SOX8: variants seen among roughly 807,000 people sequenced by gnomAD.
SOX8 encodes transcription factor SOX-8.
A neutral mutation model predicts 22.9 loss-of-function variants in SOX8; 9 were observed. The observed-to-expected ratio is 0.39, with a 90% CI of 0.24 to 0.69. SOX8 has a LOEUF of 0.69. SOX8 is among the 30% of genes least tolerant of loss of function. The probability of loss-of-function intolerance (pLI) is 0.43; values close to 1 mark genes in which losing one functional copy is unlikely to be tolerated. For missense variants in SOX8, 734 were observed against 699.4 expected, an observed-to-expected ratio of 1.05 and a Z score of -0.56; for synonymous variants, 416 against 330.6, an observed-to-expected ratio of 1.26 and a Z score of -2.80.
At chr16:982,570 G>T in intron 1 of SOX8, 1 of 433,482 alleles carries the variant, frequency 2.3e-6, no homozygotes, top group Non-Finnish European at 3.9e-6. Context: ...GGAGGGCAGC[G>T]CCTGGGGTGT....
In SOX8 at chr16:984,770, C is replaced by T. The variant is rs567451602; in HGVS notation, c.725C>T (p.Pro242Leu). ...KTELQQAGAK[P>L]ELKLEGRRPV... ...GAGCTGCAGCAGGCGGGCGCCAAGC[C>T]GGAGCTGAAGCTGGAGGGACGCCGG... Residue 242 changes from proline (P) to leucine (L), a missense_variant, in exon 3 of 3, where the codon CCG becomes CTG. Physicochemically the swap from Pro to Leu is moderately conservative, Grantham distance 98. Around this residue, in one of 3 missense-constraint regions of SOX8, gnomAD observed 588 missense variants for 568.2 expected, o/e 1.03. Coordinates refer to ENST00000293894, the MANE Select transcript of SOX8 (RefSeq NM_014587.5). The T allele has an allele frequency of 1.1e-4, 172 of 1,606,404 alleles. 1 individual carries two copies. In the Admixed American group the frequency reaches 1.5e-3, roughly 14 times the overall value.
Position 985,382 on chromosome 16 carries a change from C to T in SOX8, c.1337C>T (p.Pro446Leu). 6.5e-7 allele frequency: 1 copy of T among 1,547,718 alleles called. No individual in the cohort carries two copies. Among genetic ancestry groups the T allele is most frequent in the Non-Finnish European group, 8.7e-7 (1 of 1,150,646 alleles). Residue 446 changes from proline (P) to leucine (L), a missense_variant, in exon 3 of 3, where the codon CCC (proline) becomes CTC (leucine). Physicochemically the swap from Pro to Leu is moderately conservative, Grantham distance 98 (BLOSUM62 -3). This residue lies in a region of SOX8 where 588 missense variants were observed against 568.2 expected (regional missense o/e 1.03). Coordinates refer to ENST00000293894, the MANE Select transcript of SOX8 (RefSeq NM_014587.5). ...DQPVYTTLTR[P>L] Reference sequence around the variant, plus strand: ...CCGGTGTACACCACCCTGACCAGGCCCTGAGGGCCCAGCCGCGGGGAGGGA... The same window carrying T: ...CCGGTGTACACCACCCTGACCAGGCTCTGAGGGCCCAGCCGCGGGGAGGGA...
Position 985,675 on chromosome 16 carries a change from A to C in SOX8, c.*289A>C. On this transcript the variant is annotated 3_prime_UTR_variant, in exon 3 of 3. Transcript: ENST00000293894. The stretch of plus-strand genomic sequence containing the variant: ...TTCCGTGAGGACTGGCGGCACCAGC[A>C]CCTTCGCTTTGCATCTCGGTAGAGG... 4.9e-6 allele frequency: 2 copies of C among 404,756 alleles called. No individual in the cohort carries two copies. The highest frequency in any genetic ancestry group is 5.1e-5 in the South Asian group (1 of 19,598). 25.1% of individuals were successfully genotyped at this position (404,756 alleles called of 1,614,324 possible).
At position 981,918 on chromosome 16, in the gene SOX8, C is replaced by G. The variant is rs2151519060; in HGVS notation, c.-5C>G. The G allele has an allele frequency of 7.8e-7, 1 of 1,279,944 alleles. No individual in the cohort carries two copies. Among genetic ancestry groups the G allele is most frequent in the Admixed American group, 3.7e-5 (1 of 26,732 alleles). 79.3% of individuals were successfully genotyped at this position (1,279,944 alleles called of 1,614,324 possible). ...CCTGTGCGCGCCCCTCCGCGCGCGG[C>G]CCCGATGCTGGACATGAGCGAGGCC... On this transcript the variant is annotated 5_prime_UTR_variant, in exon 1 of 3. Coordinates refer to ENST00000293894, the MANE Select transcript of SOX8 (RefSeq NM_014587.5).
Position 983,905 on chromosome 16 carries a change from C to G in SOX8, c.600C>G (p.Ala200=), listed in dbSNP as rs764476216. The G allele has an allele frequency of 1.4e-5, 23 of 1,598,864 alleles. No homozygotes were observed. Among genetic ancestry groups the G allele is most frequent in the Non-Finnish European group, 1.9e-5 (22 of 1,173,060 alleles). Residue 200 remains alanine, a synonymous_variant, in exon 2 of 3, where the codon GCC becomes GCG. Transcript: ENST00000293894. ...AELGPHPGGG[A]VYKAEAGLGD... ...TGGGACCCCACCCTGGCGGCGGTGC[C>G]GTGTACAAGGCTGAAGCAGGGCTTG... is the stretch of plus-strand genomic sequence containing the variant.
In SOX8 at chr16:986,769, A is replaced by G. The variant is rs897893453; in HGVS notation, c.*1383A>G. ...TTCTACTTTTCCTACTTTTTTGTAG[A>G]AAAAAAAGATAATGCCTCTGCTTCT... On this transcript the variant is annotated 3_prime_UTR_variant, in exon 3 of 3. Transcript: ENST00000293894. 1 of 151,636 alleles carries G rather than the reference A, an allele frequency of 6.6e-6. No individual in the cohort carries two copies. Among genetic ancestry groups the G allele is most frequent in the South Asian group, 2.1e-4 (1 of 4,746 alleles). 9.4% of individuals were successfully genotyped at this position (151,636 alleles called of 1,614,324 possible). A position where few individuals can be genotyped will look rare whatever the true frequency, so the allele number is the denominator to read the frequency against.
rs1465136208 is a variant in SOX8 at position 981,797 on chromosome 16, G to GCGGCGA, written c.-121_-120insACGGCG. On this transcript the variant is annotated 5_prime_UTR_variant, in exon 1 of 3. Coordinates refer to ENST00000293894, the MANE Select transcript of SOX8 (RefSeq NM_014587.5). ...GACCCGAGCCTCGGCGGCGGCGGCG[G>GCGGCGA]CGGCGGCAGGGGCGAGGGTCGGGGC... 3 of 364,418 alleles carry GCGGCGA rather than the reference G, an allele frequency of 8.2e-6. No individual in the cohort carries two copies. The highest frequency in any genetic ancestry group is 6.7e-5 in the African/African-American group (3 of 44,668). The allele number at this position is 364,418 out of a possible 1,614,324, so 22.6% of individuals were successfully genotyped here.
intron 2 of SOX8, among the ~76,000 whole-genome samples, chr16:984,335 A>T (rs2073435422): frequency 6.6e-6 from 1 of 152,216 alleles, no homozygotes; most frequent in Non-Finnish European, 1.5e-5. Flanking sequence ...GGCCTCGGTC[A>T]GGCTGGCTGA....
At position 984,800 on chromosome 16, in the gene SOX8, T is replaced by A; in HGVS notation, c.755T>A (p.Val252Glu). 1 of 1,578,100 alleles carries A rather than the reference T, an allele frequency of 6.3e-7. No individual in the cohort carries two copies. The highest frequency in any genetic ancestry group is 1.4e-5 in the African/African-American group (1 of 73,302). Reference protein sequence around the residue: ...PELKLEGRRPVDSGRQNIDFS... With the variant: ...PELKLEGRRPEDSGRQNIDFS... ...CTGAAGCTGGAGGGACGCCGGCCGG[T>A]GGACAGCGGGCGCCAGAACATCGAC... Residue 252 changes from valine to glutamate, a missense_variant, in exon 3 of 3, where the codon GTG becomes GAG. Transcript: ENST00000293894.
At position 984,913 on chromosome 16, in the gene SOX8, C is replaced by G. The variant is rs777042003; in HGVS notation, c.868C>G (p.Pro290Ala). The G allele has an allele frequency of 1.1e-5, 17 of 1,607,130 alleles. No individual in the cohort carries two copies. In the Admixed American group the frequency reaches 2.7e-4, roughly 25 times the overall value. ...FDVHEFDQYL[P>A]LGGPAPPEPG... ...CGTCCACGAGTTCGACCAGTACCTGCCCCTGGGCGGCCCCGCCCCACCCGA... is the reference window on the plus strand; with the variant it reads ...CGTCCACGAGTTCGACCAGTACCTGGCCCTGGGCGGCCCCGCCCCACCCGA... Residue 290 changes from proline (P) to alanine (A), a missense_variant, in exon 3 of 3, where the codon CCC becomes GCC. Pro to Ala is a conservative substitution (Grantham distance 27). Around this residue, in one of 3 missense-constraint regions of SOX8, gnomAD observed 588 missense variants for 568.2 expected, o/e 1.03. Transcript: ENST00000293894.
rs201672745 is a variant in SOX8 at position 982,353 on chromosome 16, C to T, written c.422+9C>T. 22 of 1,347,716 alleles carry T rather than the reference C, an allele frequency of 1.6e-5. No homozygotes were observed. Among genetic ancestry groups the T allele is most frequent in the South Asian group, 1.0e-4 (5 of 49,556 alleles). 83.5% of individuals were successfully genotyped at this position (1,347,716 alleles called of 1,614,324 possible). ...CTGGGCAAGCTGTGGCGGTGAGTGC[C>T]GGCGCCCCGGGGGCGGGGTTCGGGA... On this transcript the variant is annotated intron_variant, in intron 1 of 2. Transcript: ENST00000293894.
In SOX8 at chr16:983,829, G is replaced by T; in HGVS notation, c.524G>T (p.Arg175Leu). 1 of 1,612,804 alleles carries T rather than the reference G, an allele frequency of 6.2e-7. No homozygotes were observed. The highest frequency in any genetic ancestry group is 2.2e-5 in the East Asian group (1 of 44,868). Reference sequence around the variant, plus strand: ...CCCGACTACAAGTACCAGCCACGGCGCAGGAAGAGCGCCAAAGCCGGCCAC... The same window carrying T: ...CCCGACTACAAGTACCAGCCACGGCTCAGGAAGAGCGCCAAAGCCGGCCAC... ...DHPDYKYQPR[R>L]RKSAKAGHSD... The change falls in exon 2 of 3, where the codon CGC becomes CTC. Residue 175 changes from arginine (R) to leucine (L), a missense_variant. This residue lies in a region of SOX8 where 588 missense variants were observed against 568.2 expected (regional missense o/e 1.03). Coordinates refer to ENST00000293894, the MANE Select transcript of SOX8 (RefSeq NM_014587.5).
chr16:982,321 C>T lies in SOX8; in HGVS notation c.399C>T (p.Ser133=). 1 of 1,411,794 alleles carries T rather than the reference C, an allele frequency of 7.1e-7. No homozygotes were observed. Among genetic ancestry groups the T allele is most frequent in the Non-Finnish European group, 9.3e-7 (1 of 1,076,656 alleles). The allele number at this position is 1,411,794 out of a possible 1,614,324, so 87.5% of individuals were successfully genotyped here. The part of the protein sequence containing the change: ...QYPHLHNAEL[S]KTLGKLWRLL... ...CGCACCTGCACAACGCCGAGCTCAG[C>T]AAGACGCTGGGCAAGCTGTGGCGGT... Residue 133 remains serine (S), a synonymous_variant, in exon 1 of 3, where the codon AGC becomes AGT. Coordinates refer to ENST00000293894, the MANE Select transcript of SOX8 (RefSeq NM_014587.5).
In SOX8 at chr16:985,007, C is replaced by G. The variant is rs1207432785; in HGVS notation, c.962C>G (p.Ala321Gly). The change falls in exon 3 of 3, where the codon GCC (alanine) becomes GGC (glycine). Residue 321 changes from alanine to glycine, a missense_variant. Physicochemically the swap from Ala to Gly is moderately conservative, Grantham distance 60. Coordinates refer to ENST00000293894, the MANE Select transcript of SOX8 (RefSeq NM_014587.5). ...GASPVWAHKS[A>G]PSASASPTET... Reference sequence around the variant, plus strand: ...TCCCCCGTGTGGGCCCACAAGAGTGCCCCGTCGGCCTCCGCGTCGCCCACC... The same window carrying G: ...TCCCCCGTGTGGGCCCACAAGAGTGGCCCGTCGGCCTCCGCGTCGCCCACC... The G allele has an allele frequency of 6.3e-7, 1 of 1,578,078 alleles. No individual in the cohort carries two copies. The highest frequency in any genetic ancestry group is 1.4e-5 in the African/African-American group (1 of 73,406).
Position 982,018 on chromosome 16 carries a change from G to A in SOX8, c.96G>A (p.Ala32=). ...MSHVEDSDSD[A]PPSPAGSEGL... ...ACGTGGAGGACTCGGACTCGGACGCGCCGCCGTCTCCCGCCGGCTCCGAGG... is the reference window on the plus strand; with the variant it reads ...ACGTGGAGGACTCGGACTCGGACGCACCGCCGTCTCCCGCCGGCTCCGAGG... The change falls in exon 1 of 3, where the codon GCG becomes GCA. Residue 32 remains alanine, a synonymous_variant. Transcript: ENST00000293894. The A allele has an allele frequency of 1.4e-6, 2 of 1,399,934 alleles. No homozygotes were observed. Among genetic ancestry groups the A allele is most frequent in the Non-Finnish European group, 1.9e-6 (2 of 1,076,346 alleles). The allele number at this position is 1,399,934 out of a possible 1,614,324, so 86.7% of individuals were successfully genotyped here.
Position 985,528 on chromosome 16 carries a change from G to A in SOX8, c.*142G>A, listed in dbSNP as rs1240306284. Reference sequence around the variant, plus strand: ...CTGCAGGGAAACACGCTTGCTGCCCGTGGCCCTCGGCCTCCAGATGGCCAC... The same window carrying A: ...CTGCAGGGAAACACGCTTGCTGCCCATGGCCCTCGGCCTCCAGATGGCCAC... On this transcript the variant is annotated 3_prime_UTR_variant, in exon 3 of 3. Coordinates refer to ENST00000293894, the MANE Select transcript of SOX8 (RefSeq NM_014587.5). 1.6e-5 allele frequency: 11 copies of A among 669,108 alleles called. No homozygotes were observed. The highest frequency in any genetic ancestry group is 2.4e-5 in the Non-Finnish European group (10 of 416,532). The allele number at this position is 669,108 out of a possible 1,614,324, so 41.4% of individuals were successfully genotyped here.
Position 985,032 on chromosome 16 carries a change from C to T in SOX8, c.987C>T (p.Thr329=), listed in dbSNP as rs774515052. Residue 329 remains threonine (T), a synonymous_variant, in exon 3 of 3, where the codon ACC becomes ACT. Coordinates refer to ENST00000293894, the MANE Select transcript of SOX8 (RefSeq NM_014587.5). ...KSAPSASASP[T]ETGPPRPHIK... Reference sequence around the variant, plus strand: ...CCCCGTCGGCCTCCGCGTCGCCCACCGAGACGGGTCCCCCACGGCCGCACA... The same window carrying T: ...CCCCGTCGGCCTCCGCGTCGCCCACTGAGACGGGTCCCCCACGGCCGCACA... 38 of 1,575,164 alleles carry T rather than the reference C, an allele frequency of 2.4e-5. No individual in the cohort carries two copies. The East Asian group carries it at 3.2e-4, about 13-fold the overall frequency.
rs754246692 is a variant in SOX8, at chr16:985,159, C to G, written c.1114C>G (p.Pro372Ala). 6 of 1,606,578 alleles carry G rather than the reference C, an allele frequency of 3.7e-6. No individual in the cohort carries two copies. Among genetic ancestry groups the G allele is most frequent in the South Asian group, 3.3e-5 (3 of 90,668 alleles). Reference sequence around the variant, plus strand: ...CCAGTCCAGCGCCACCCCGGCCGCCCCCGCCGGCCCCTTCGCCGGCTCACA... The same window carrying G: ...CCAGTCCAGCGCCACCCCGGCCGCCGCCGCCGGCCCCTTCGCCGGCTCACA... ...SGQSSATPAA[P>A]AGPFAGSQGD... Residue 372 changes from proline (P) to alanine (A), a missense_variant, in exon 3 of 3, where the codon CCC becomes GCC. By Grantham distance (27) the Pro-to-Ala change is conservative. Coordinates refer to ENST00000293894, the MANE Select transcript of SOX8 (RefSeq NM_014587.5).
chr16:985,319 T>C lies in SOX8; in HGVS notation c.1274T>C (p.Leu425Pro), dbSNP rs2073450291. The part of the protein sequence containing the change: ...YASPLLNGLA[L>P]PPAHSPTSHW... ...TCACCCCTGCTCAACGGCCTGGCCC[T>C]GCCGCCCGCCCACAGCCCCACCAGT... Residue 425 changes from leucine (L) to proline (P), a missense_variant, in exon 3 of 3, where the codon CTG becomes CCG. Transcript: ENST00000293894. 1 of 1,601,500 alleles carries C rather than the reference T, an allele frequency of 6.2e-7. No individual in the cohort carries two copies. Among genetic ancestry groups the C allele is most frequent in the Non-Finnish European group, 8.5e-7 (1 of 1,177,410 alleles).
Sources: allele counts gnomAD v4.1 joint callset (sites outside exome capture counted in the v4.1 genomes callset), GRCh38; gene constraint gnomAD v4.1.1; regional missense constraint gnomAD v4.1.1; transcripts MANE v1.5; gene names NCBI Gene and HGNC (gene_info 2026-07-23, HGNC 2026-07-21).